Variants in LCT observed in about 807,000 individuals in gnomAD.
LCT encodes lactase/phlorizin hydrolase.
Under a neutral mutation model 173.0 loss-of-function variants are expected in LCT, and 90 were observed. The observed-to-expected ratio is 0.52, with a 90% CI of 0.44 to 0.62. The LOEUF (loss-of-function observed/expected upper bound fraction) is 0.62. Among genes scored for constraint, LCT ranks in the 20% least tolerant of loss-of-function variants. The pLI, the probability that LCT is intolerant of heterozygous loss-of-function variation, is 0.00. For synonymous variants in LCT, 853 were observed against 957.6 expected (o/e 0.89, Z 2.02); for missense variants, 1,864 against 2,431.4 (o/e 0.77, Z 4.91).
chr2:135,810,084 C>G (rs1215873586), intron 7 of LCT, 91 bp from the exon 8 acceptor site: 3 of 892,798 alleles, frequency 3.4e-6, no homozygotes, highest in Non-Finnish European at 5.4e-6. Context: ...TGGTCTCAAA[C>G]TCCTGGACTC....
At chr2:135,805,759 G>A (rs553570349) in intron 9 of LCT, among the ~76,000 whole-genome samples, 1 of 152,278 alleles carries the variant, frequency 6.6e-6, no homozygotes, top group African/African-American at 2.4e-5. Context: ...GATTATAATG[G>A]AGCTGAAACA....
In LCT at chr2:135,817,296, G is replaced by A. The variant is rs1265120934; in HGVS notation, c.1707+45C>T. The A allele has an allele frequency of 3.8e-6, 6 of 1,595,164 alleles. No individual in the cohort carries two copies. In the South Asian group the frequency reaches 4.5e-5, roughly 12 times the overall value. On this transcript the variant is annotated intron_variant, in intron 6 of 16. Transcript: ENST00000264162. ...AGAAAATGACTTTCTTCCAGCCAAT[G>A]TCCTTTCTCCTCCAATTAGTAGGAG...
At chr2:135,832,478 C>T (rs184423702) in intron 2 of LCT, among the ~76,000 whole-genome samples, 19 of 151,168 alleles carry the variant, frequency 1.3e-4, no homozygotes, top group Non-Finnish European at 2.4e-4. Context: ...AGAGGATATA[C>T]GTACATTTTT....
chr2:135,789,820 G>A, intron 15 of LCT, 22 bp from the exon 16 acceptor site: 1 of 1,597,604 alleles, frequency 6.3e-7, no homozygotes, highest in Non-Finnish European at 8.6e-7. Context: ...CAGAGGACTA[G>A]GCATAAGTTT....
chr2:135,793,971 C>A (rs78068383), intron 14 of LCT, among the ~76,000 whole-genome samples: 78 of 124,074 alleles, frequency 6.3e-4, no homozygotes, highest in African/African-American at 9.5e-4. Flanking sequence ...TGCTAAAATA[C>A]AAAAAAAAAA....
At chr2:135,819,594 C>T (rs1262931250) in intron 5 of LCT, among the ~76,000 whole-genome samples, 1 of 152,226 alleles carries the variant, frequency 6.6e-6, no homozygotes, top group African/African-American at 2.4e-5. Context: ...GGGGCCGGGT[C>T]ACCCAGCAGG....
At chr2:135,797,173 C>T (rs1226574027) in intron 13 of LCT, among the ~76,000 whole-genome samples, 1 of 152,152 alleles carries the variant, frequency 6.6e-6, no homozygotes, top group Non-Finnish European at 1.5e-5. Flanking sequence ...GTCTTGAACT[C>T]ATGACTTCAA....
rs2105528170 is a variant in LCT at position 135,803,905 on chromosome 2, CCTATGAGCCAGGG to C, written c.4663+12_4663+24del. 6.2e-7 allele frequency: 1 copy of C among 1,600,474 alleles called. No individual in the cohort carries two copies. The highest frequency in any genetic ancestry group is 1.7e-5 in the Admixed American group (1 of 59,424). On this transcript the variant is annotated intron_variant, in intron 11 of 16. Transcript: ENST00000264162. ...GCTAAGAATGCCATGATTCAAAGAG[CCTATGAGCCAGGG>C]CTGGGACTTACCTGGAGCTGCTGTT...
At position 135,817,501 on chromosome 2, in the gene LCT, A is replaced by G. The variant is rs763454935; in HGVS notation, c.1547T>C (p.Val516Ala). The G allele has an allele frequency of 8.1e-6, 13 of 1,613,888 alleles. No individual in the cohort carries two copies. The highest frequency in any genetic ancestry group is 1.1e-5 in the Non-Finnish European group (13 of 1,179,970). ...DHGGWQNESV[V>A]DAFLDYAAFC... Reference sequence around the variant, plus strand: ...GGCCGCATAGTCCAGGAAGGCATCCACCACGCTCTCATTCTGCCATCCACC... The same window carrying G: ...GGCCGCATAGTCCAGGAAGGCATCCGCCACGCTCTCATTCTGCCATCCACC... Residue 516 changes from valine (V) to alanine (A), a missense_variant, in exon 6 of 17, where the codon GTG (valine) becomes GCG (alanine). Physicochemically the swap from Val to Ala is moderately conservative, Grantham distance 64. This residue lies in a region of LCT where 183 missense variants were observed against 293.1 expected (regional missense o/e 0.62). Coordinates refer to ENST00000264162, the MANE Select transcript of LCT (RefSeq NM_002299.4).
At chr2:135,810,625 C>A (rs543585251) in intron 7 of LCT, among the ~76,000 whole-genome samples, 2 of 152,106 alleles carry the variant, frequency 1.3e-5, no homozygotes, top group African/African-American at 4.8e-5. Context: ...TTTTGCTTTT[C>A]CTTGTTTATG....
In LCT at chr2:135,836,832, T is replaced by C. The variant is rs1679411843; in HGVS notation, c.338A>G (p.Tyr113Cys). The part of the protein sequence containing the change: ...QNPDEKTVQC[Y>C]RRLLKALKTA... The stretch of plus-strand genomic sequence containing the variant: ...CTTGAGGGCCTTGAGGAGTCGCCGG[T>C]AGCACTGCACTGTTTTCTCGTCTGG... The change falls in exon 1 of 17, where the codon TAC becomes TGC. Residue 113 changes from tyrosine (Y) to cysteine (C), a missense_variant. Transcript: ENST00000264162. 6.2e-7 allele frequency: 1 copy of C among 1,614,166 alleles called. No homozygotes were observed. The highest frequency in any genetic ancestry group is 8.5e-7 in the Non-Finnish European group (1 of 1,180,028).
At chr2:135,791,049 G>T (rs577082228) in intron 14 of LCT, among the ~76,000 whole-genome samples, 168 bp from the exon 15 acceptor site, 3 of 152,140 alleles carry the variant, frequency 2.0e-5, no homozygotes, top group Non-Finnish European at 4.4e-5. Context: ...TCCTCCTTTC[G>T]CTGGTTCTAG....
intron 11 of LCT, among the ~76,000 whole-genome samples, chr2:135,801,952 G>A (rs1280763524): frequency 6.6e-6 from 1 of 152,072 alleles, no homozygotes; most frequent in Non-Finnish European, 1.5e-5. Context: ...GCTCACGGCA[G>A]CCTTGAACTC....
chr2:135,804,246 G>A (rs1372106725), intron 10 of LCT, 118 bp from the exon 11 acceptor site: 4 of 828,704 alleles, frequency 4.8e-6, no homozygotes, highest in Non-Finnish European at 8.1e-6. Flanking sequence ...GAGACAAAAA[G>A]GCTCAAAGAT....
Position 135,829,630 on chromosome 2 carries a change from T to C in LCT, c.767A>G (p.Asn256Ser), listed in dbSNP as rs758610460. ...LSLDLSYECQ[N>S]EASLRQKLSK... is the part of the protein sequence containing the mutation. The stretch of plus-strand genomic sequence containing the variant: ...CAGCTTCTGCCGCAGACTTGCCTCA[T>C]TTTGGCATTCATAAGACAAATCAAG... Residue 256 changes from asparagine (N) to serine (S), a missense_variant, in exon 3 of 17, where the codon AAT becomes AGT. Physicochemically the swap from Asn to Ser is conservative, Grantham distance 46. Coordinates refer to ENST00000264162, the MANE Select transcript of LCT (RefSeq NM_002299.4). The C allele has an allele frequency of 6.2e-7, 1 of 1,613,990 alleles. No individual in the cohort carries two copies. Among genetic ancestry groups the C allele is most frequent in the Non-Finnish European group, 8.5e-7 (1 of 1,179,832 alleles).
Position 135,809,582 on chromosome 2 carries a change from C to G in LCT, c.2765G>C (p.Trp922Ser), listed in dbSNP as rs1242039000. 6.2e-7 allele frequency: 1 copy of G among 1,614,090 alleles called. No individual in the cohort carries two copies. Among genetic ancestry groups the G allele is most frequent in the Non-Finnish European group, 8.5e-7 (1 of 1,180,056 alleles). The change falls in exon 8 of 17, where the codon TGG becomes TCG. Residue 922 changes from tryptophan (W) to serine (S), a missense_variant. Physicochemically the swap from Trp to Ser is radical, Grantham distance 177. Coordinates refer to ENST00000264162, the MANE Select transcript of LCT (RefSeq NM_002299.4). This position sits in a 1 kb window ranked among gnomAD's most constrained non-coding sequence, Gnocchi z 5.5. ...GCTGGGGCCTTTGCCATCGGCATCC[C>G]ACGCGCCTTCAATCTGATAAGCGGA... ...SSSAYQIEGA[W>S]DADGKGPSIW...
Position 135,800,587 on chromosome 2 carries a change from C to T in LCT, c.4866+20G>A, listed in dbSNP as rs748841. On this transcript the variant is annotated intron_variant, in intron 12 of 16. Transcript: ENST00000264162. ...AAAGATGGACAAGAGTAAGAACAAG[C>T]GCCCAGAGGAAAAACAGACCTGAAC... is the stretch of plus-strand genomic sequence containing the variant. 1,073,086 of 1,587,940 alleles carry T rather than the reference C, an allele frequency of 0.68. 389,558 individuals carry two copies. The highest frequency in any genetic ancestry group is 0.76 in the Non-Finnish European group (877,536 of 1,158,354).
Position 135,813,056 on chromosome 2 carries a change from G to A in LCT, c.1708-100C>T. 3 of 1,040,008 alleles carry A rather than the reference G, an allele frequency of 2.9e-6. No individual in the cohort carries two copies. The South Asian group carries it at 4.1e-5, about 14-fold the overall frequency. The allele number at this position is 1,040,008 out of a possible 1,614,324, so 64.4% of individuals were successfully genotyped here. On this transcript the variant is annotated intron_variant, in intron 6 of 16. Coordinates refer to ENST00000264162, the MANE Select transcript of LCT (RefSeq NM_002299.4). ...AACAAGTCAACAACAATGTCAACAA[G>A]TCAATAAAGACAACAACAACATTGA... is the stretch of plus-strand genomic sequence containing the variant.
chr2:135,797,676 C>T (rs2077593643), intron 13 of LCT, among the ~76,000 whole-genome samples: 1 of 152,132 alleles, frequency 6.6e-6, no homozygotes, highest in East Asian at 1.9e-4. Context: ...CACCTGCTGG[C>T]CAAGTGATGC....
Sources: allele counts gnomAD v4.1 joint callset (sites outside exome capture counted in the v4.1 genomes callset), GRCh38; gene constraint gnomAD v4.1.1; regional missense constraint gnomAD v4.1.1; non-coding constraint Gnocchi (gnomAD v3.1); transcripts MANE v1.5; gene names NCBI Gene and HGNC (gene_info 2026-07-23, HGNC 2026-07-21).